The following GPR39 variants were observed in gnomAD, a reference collection of about 807,000 sequenced individuals.
The protein encoded by GPR39 is G protein-coupled receptor 39, also known as zinc sensing receptor.
In GPR39, 23 loss-of-function variants were observed where a neutral mutation model predicts 18.4. That is an observed-to-expected ratio of 1.25 (90% confidence interval 0.90 to 1.77). GPR39 has a LOEUF of 1.77. GPR39 is among the 40% of genes most tolerant of loss of function. The pLI is 0.00. For synonymous variants in GPR39, 280 were observed against 257.9 expected (o/e 1.09, Z -0.82); for missense variants, 647 against 602.4 (o/e 1.07, Z -0.78).
At chr2:132,643,094 T>C (rs1274300024) in intron 1 of GPR39, among the ~76,000 whole-genome samples, 1 of 152,312 alleles carries the variant, frequency 6.6e-6, no homozygotes, top group East Asian at 1.9e-4. Flanking sequence ...TATGTATTTT[T>C]TTAAAATCAG....
rs1304628070 is a variant in GPR39 at position 132,625,324 on chromosome 2, T to G, written c.857-19777T>G. 2.0e-5 allele frequency among the ~76,000 whole-genome samples: 3 copies of G among 152,306 alleles called. No individual in the cohort carries two copies. The East Asian group carries it at 5.8e-4, about 29-fold the overall frequency. ...GCCTTTTCAAGTCTTCTGCCCATTT[T>G]CTCTATTGGATTATTTATCTTTTTT... is the stretch of plus-strand genomic sequence containing the variant. On this transcript the variant is annotated intron_variant, in intron 1 of 1. Transcript: ENST00000329321.
chr2:132,476,497 G>C (rs4378855), intron 1 of GPR39, among the ~76,000 whole-genome samples: 1 of 150,888 alleles, frequency 6.6e-6, no homozygotes, highest in Non-Finnish European at 1.5e-5. Context: ...TTAGCTGGGC[G>C]TGGTGGTGGG....
chr2:132,535,863 A>C (rs1285317354), intron 1 of GPR39, among the ~76,000 whole-genome samples: 1 of 151,028 alleles, frequency 6.6e-6, no homozygotes, highest in Non-Finnish European at 1.5e-5. Flanking sequence ...AGAGGTGTTT[A>C]TGGTATTCTC....
chr2:132,538,765 G>T (rs1340636465), intron 1 of GPR39, among the ~76,000 whole-genome samples: 4 of 152,304 alleles, frequency 2.6e-5, no homozygotes, highest in African/African-American at 9.6e-5. Context: ...GCCCTGCCCC[G>T]TGAGGAAGAA....
intron 1 of GPR39, among the ~76,000 whole-genome samples, chr2:132,600,021 C>T (rs941096075): frequency 6.6e-6 from 1 of 152,204 alleles, no homozygotes; most frequent in Admixed American, 6.5e-5. Flanking sequence ...CTCAGTCTCC[C>T]AAAGGGGGCC....
At chr2:132,545,395 T>TC (rs1288538837) in intron 1 of GPR39, among the ~76,000 whole-genome samples, 3 of 152,188 alleles carry the variant, frequency 2.0e-5, no homozygotes, top group African/African-American at 7.2e-5. Flanking sequence ...GATTTCAGGG[T>TC]CCCCATCCAT....
At chr2:132,432,473 A>T (rs1056320118) in intron 1 of GPR39, among the ~76,000 whole-genome samples, 2 of 152,206 alleles carry the variant, frequency 1.3e-5, no homozygotes, top group Admixed American at 1.3e-4. Context: ...TGTGTGTCAA[A>T]TCTCCCTCTG....
chr2:132,627,760 G>A (rs1018282857), intron 1 of GPR39, among the ~76,000 whole-genome samples: 6 of 152,158 alleles, frequency 3.9e-5, no homozygotes, highest in Admixed American at 6.5e-5. Context: ...AGCCTCGGCC[G>A]TGGGGGAGGA....
At position 132,631,560 on chromosome 2, in the gene GPR39, G is replaced by T. The variant is rs904382713; in HGVS notation, c.857-13541G>T. Among the ~76,000 whole-genome samples, 5 of 152,206 alleles carry T rather than the reference G, an allele frequency of 3.3e-5. No homozygotes were observed. In the South Asian group the frequency reaches 1.0e-3, roughly 32 times the overall value. ...CTAATTCAAACACAGTGTGAGCCTG[G>T]CTCCTGTGTGCACCTCTCTTAGTAT... On this transcript the variant is annotated intron_variant, in intron 1 of 1. Transcript: ENST00000329321.
At chr2:132,471,724 TGTCA>T (rs1417620512) in intron 1 of GPR39, among the ~76,000 whole-genome samples, 19 of 151,912 alleles carry the variant, frequency 1.3e-4, no homozygotes, top group African/African-American at 3.9e-4. Flanking sequence ...TATGCCATTC[TGTCA>T]GTCAGATTGA....
At chr2:132,460,489 T>C (rs1680811341) in intron 1 of GPR39, among the ~76,000 whole-genome samples, 1 of 152,132 alleles carries the variant, frequency 6.6e-6, no homozygotes, top group South Asian at 2.1e-4. Context: ...AATAAGCCAA[T>C]GCTTAAACTG....
At chr2:132,530,117 G>A (rs1417642406) in intron 1 of GPR39, among the ~76,000 whole-genome samples, 2 of 152,012 alleles carry the variant, frequency 1.3e-5, no homozygotes, top group African/African-American at 4.8e-5. Context: ...AAAAAAATTA[G>A]ACGAATGGCT....
intron 1 of GPR39, among the ~76,000 whole-genome samples, chr2:132,644,403 T>C (rs9967655): frequency 6.6e-6 from 1 of 152,156 alleles, no homozygotes; most frequent in Non-Finnish European, 1.5e-5. Flanking sequence ...ATATTTGCCA[T>C]CTCTGAATAA....
chr2:132,508,008 A>G (rs530776597), intron 1 of GPR39, among the ~76,000 whole-genome samples: 2 of 152,276 alleles, frequency 1.3e-5, no homozygotes, highest in African/African-American at 4.8e-5. Flanking sequence ...ACTGAATTCA[A>G]TCTCTAGCCC....
chr2:132,444,229 T>A (rs1680490767), intron 1 of GPR39, among the ~76,000 whole-genome samples: 1 of 152,216 alleles, frequency 6.6e-6, no homozygotes, highest in Admixed American at 6.5e-5. Context: ...CCCGAACTAT[T>A]GAACTGTTAC....
intron 1 of GPR39, among the ~76,000 whole-genome samples, chr2:132,578,250 C>A (rs182506001): frequency 1.8e-3 from 268 of 152,098 alleles, no homozygotes; most frequent in African/African-American, 3.6e-3. Flanking sequence ...GCTCATGATG[C>A]ACAATTCTTC....
At chr2:132,610,797 A>T (rs1681225477) in intron 1 of GPR39, among the ~76,000 whole-genome samples, 1 of 148,432 alleles carries the variant, frequency 6.7e-6, no homozygotes, top group Non-Finnish European at 1.5e-5. Flanking sequence ...AAAAAAAAAA[A>T]AGAAGAAGAA....
Position 132,488,378 on chromosome 2 carries a change from C to A in GPR39, c.856+70480C>A, listed in dbSNP as rs541683202. 2.2e-3 allele frequency among the ~76,000 whole-genome samples: 330 copies of A among 152,146 alleles called. 1 individual carries two copies. The highest frequency in any genetic ancestry group is 3.8e-3 in the Non-Finnish European group (256 of 67,988). On this transcript the variant is annotated intron_variant, in intron 1 of 1. Coordinates refer to ENST00000329321, the MANE Select transcript of GPR39 (RefSeq NM_001508.3). ...TTTAGGTAAAAATAACAAAAAAAAA[C>A]CCTTGCTGCATAGATATTGCAAATA...
At chr2:132,536,317 CT>C (rs976326215) in intron 1 of GPR39, among the ~76,000 whole-genome samples, 1 of 152,028 alleles carries the variant, frequency 6.6e-6, no homozygotes, top group African/African-American at 2.4e-5. Flanking sequence ...GCCTTAATTT[CT>C]TTATTTACCC....
Sources: allele counts gnomAD v4.1 joint callset (sites outside exome capture counted in the v4.1 genomes callset), GRCh38; gene constraint gnomAD v4.1.1; transcripts MANE v1.5; gene names NCBI Gene and HGNC (gene_info 2026-07-23, HGNC 2026-07-21).